The following SSPN variants were observed in gnomAD, a reference collection of about 807,000 sequenced individuals.
SSPN encodes K-ras oncogene-associated protein.
A neutral mutation model predicts 19.1 loss-of-function variants in SSPN; 15 were observed. The observed-to-expected ratio is 0.78, with a 90% CI of 0.52 to 1.21. SSPN has a LOEUF of 1.21. Among genes scored for constraint, SSPN ranks in the 50% most tolerant of loss-of-function variants. The pLI is 0.00. For missense variants in SSPN, 291 were observed against 314.0 expected, an observed-to-expected ratio of 0.93 and a Z score of 0.55; for synonymous variants, 147 against 140.3, an observed-to-expected ratio of 1.05 and a Z score of -0.34.
In SSPN at chr12:26,152,828, A is replaced by G. The variant is rs529235427; in HGVS notation, c.-31+30676A>G. ...CTAGAAGAAGACTCAAGCTCTTACCATGCCCAGTAAGGGCCTATCTTATCT... is the reference window on the plus strand; with the variant it reads ...CTAGAAGAAGACTCAAGCTCTTACCGTGCCCAGTAAGGGCCTATCTTATCT... On this transcript the variant is annotated intron_variant, in intron 1 of 2. Coordinates refer to the SSPN transcript ENST00000538142. Among the ~76,000 whole-genome samples the G allele has an allele frequency of 5.9e-5, 9 of 152,344 alleles. 1 individual carries two copies. Among genetic ancestry groups the G allele is most frequent in the African/African-American group, 2.2e-4 (9 of 41,570 alleles).
intron 1 of SSPN, among the ~76,000 whole-genome samples, chr12:26,155,155 A>G (rs1944548360): frequency 6.6e-6 from 1 of 152,240 alleles, no homozygotes; most frequent in Non-Finnish European, 1.5e-5. Context: ...TTTTAAAGTT[A>G]CAACTAGTGT....
rs1944388608 is a variant in SSPN at position 26,130,001 on chromosome 12, G to T, written c.-31+7849G>T. ...AATAGGAGGATTCCCTGGCCCTTCTGCCCCTACGTATCTGCCTGGTCCCTC... is the reference window on the plus strand; with the variant it reads ...AATAGGAGGATTCCCTGGCCCTTCTTCCCCTACGTATCTGCCTGGTCCCTC... On this transcript the variant is annotated intron_variant, in intron 1 of 2. Transcript: ENST00000538142. 2.6e-5 allele frequency among the ~76,000 whole-genome samples: 4 copies of T among 152,134 alleles called. No homozygotes were observed. The South Asian group carries it at 8.3e-4, about 32-fold the overall frequency.
chr12:26,125,163 G>A, intron 1 of SSPN: 1 of 365,314 alleles, frequency 2.7e-6, no homozygotes, highest in South Asian at 2.5e-5. Flanking sequence ...GTCGGGAGAA[G>A]GCGGCGAGAG....
chr12:26,138,185 T>A (rs1336636967), intron 1 of SSPN, among the ~76,000 whole-genome samples: 3 of 152,208 alleles, frequency 2.0e-5, no homozygotes, highest in Non-Finnish European at 1.5e-5. Context: ...AAACACTGAA[T>A]TTTTAAATTT....
At chr12:26,192,875 G>A (rs1288529762), upstream of SSPN, among the ~76,000 whole-genome samples, 1 of 149,770 alleles carries the variant, frequency 6.7e-6, no homozygotes, top group Non-Finnish European at 1.5e-5. Flanking sequence ...CTGAAACTCA[G>A]AAGACAAATG....
At chr12:26,123,975 A>C in intron 1 of SSPN, 2 of 944,272 alleles carry the variant, frequency 2.1e-6, no homozygotes, top group Non-Finnish European at 3.3e-6. Context: ...TTAAGTCAGG[A>C]ACTTATATTT....
intron 1 of SSPN, among the ~76,000 whole-genome samples, chr12:26,154,300 C>A (rs1384622659): frequency 6.6e-6 from 1 of 152,204 alleles, no homozygotes; most frequent in Non-Finnish European, 1.5e-5. Flanking sequence ...TTTTTGAGGA[C>A]AGACCATGTG....
Position 26,232,934 on chromosome 12 carries a change from TAAAAAA to T in SSPN, c.*1874_*1879del, listed in dbSNP as rs34314422. On this transcript the variant is annotated 3_prime_UTR_variant, in exon 3 of 3. Coordinates refer to ENST00000242729, the MANE Select transcript of SSPN (RefSeq NM_005086.5). ...ACCTGTAAAATACCTTGTGCCCTAT[TAAAAAA>T]AAAAAAAAAAAAAAAGCCAGTAACT... 634 of 81,342 alleles carry T rather than the reference TAAAAAA, an allele frequency of 7.8e-3. 6 individuals are homozygous for T. The highest frequency in any genetic ancestry group is 0.01 in the Non-Finnish European group (462 of 46,118). The allele number at this position is 81,342 out of a possible 1,614,324, so 5.0% of individuals were successfully genotyped here. A position where few individuals can be genotyped will look rare whatever the true frequency, so the allele number is the denominator to read the frequency against.
At chr12:26,125,157 GGAGAAGGCGGCGA>G in intron 1 of SSPN, 3 of 369,422 alleles carry the variant, frequency 8.1e-6, no homozygotes, top group African/African-American at 2.1e-5. Flanking sequence ...GGGGGCGTCG[GGAGAAGGCGGCGA>G]GAGAAGGCGA....
rs1945233245 is a variant in SSPN, at chr12:26,231,551, G to A, written c.*475G>A. 1 of 154,364 alleles carries A rather than the reference G, an allele frequency of 6.5e-6. No individual in the cohort carries two copies. 9.6% of individuals were successfully genotyped at this position (154,364 alleles called of 1,614,324 possible). On this transcript the variant is annotated 3_prime_UTR_variant, in exon 3 of 3. Transcript: ENST00000242729. ...GAGACAGGCAGGAGGTGGGGGAAGA[G>A]CTGAATCTCTTTATTTTCCCTGGTA...
In SSPN at chr12:26,230,884, T is replaced by C. The variant is rs1415756164; in HGVS notation, c.540T>C (p.Asp180=). 4.3e-6 allele frequency: 7 copies of C among 1,614,090 alleles called. No homozygotes were observed. Among genetic ancestry groups the C allele is most frequent in the Admixed American group, 1.7e-5 (1 of 60,010 alleles). ...TCAGCAGGACCTTTGTTTACCGGGA[T>C]GTGACGGACTGTACCAGCGTCACTG... ...EPLSRTFVYR[D]VTDCTSVTGT... The change falls in exon 3 of 3, where the codon GAT becomes GAC. Residue 180 remains aspartate (D), a synonymous_variant. Coordinates refer to ENST00000242729, the MANE Select transcript of SSPN (RefSeq NM_005086.5).
At chr12:26,181,138 T>A (rs1192727486) in intron 1 of SSPN, 1 of 152,248 alleles carries the variant, frequency 6.6e-6, no homozygotes, top group Non-Finnish European at 1.5e-5. Flanking sequence ...GGAGATCTAT[T>A]TTCTTTCTCA....
At chr12:26,123,117 G>A (rs376849170) in intron 1 of SSPN, 13 of 1,610,158 alleles carry the variant, frequency 8.1e-6, no homozygotes, top group South Asian at 6.7e-5. Context: ...TTGAAATCCC[G>A]AGTGGAACGC....
rs182380410 is a variant in SSPN at position 26,178,088 on chromosome 12, A to G, written c.-30-46205A>G. On this transcript the variant is annotated intron_variant, in intron 1 of 2. Transcript: ENST00000538142. The stretch of plus-strand genomic sequence containing the variant: ...AGGTCATGTGTTTTGATGCTCACTT[A>G]GTAGGCACTAGAGTGAGAATTCTTC... Among the ~76,000 whole-genome samples, 354 of 152,302 alleles carry G rather than the reference A, an allele frequency of 2.3e-3. 3 individuals are homozygous for G. The Middle Eastern group carries it at 0.058, about 25-fold the overall frequency.
At chr12:26,138,592 T>C (rs1835158777) in intron 1 of SSPN, among the ~76,000 whole-genome samples, 1 of 152,196 alleles carries the variant, frequency 6.6e-6, no homozygotes, top group African/African-American at 2.4e-5. Context: ...TTAAATTTTA[T>C]TTAATTTTAG....
intron 1 of SSPN, among the ~76,000 whole-genome samples, chr12:26,129,644 T>C (rs1944386637): frequency 6.6e-6 from 1 of 152,198 alleles, no homozygotes; most frequent in Non-Finnish European, 1.5e-5. Context: ...AGCACACGTG[T>C]CCCCGTTTAA....
In SSPN at chr12:26,231,379, A is replaced by T; in HGVS notation, c.*303A>T. 7.9e-6 allele frequency: 2 copies of T among 253,714 alleles called. No homozygotes were observed. Among genetic ancestry groups the T allele is most frequent in the Non-Finnish European group, 1.5e-5 (2 of 134,582 alleles). The allele number at this position is 253,714 out of a possible 1,614,324, so 15.7% of individuals were successfully genotyped here. A position where few individuals can be genotyped will look rare whatever the true frequency, so the allele number is the denominator to read the frequency against. On this transcript the variant is annotated 3_prime_UTR_variant, in exon 3 of 3. Transcript: ENST00000242729. ...TACAGTCTGGAGTTAATTCCTGTTA[A>T]CTCATTTTATCCATTCCTTACATAA...
intron 1 of SSPN, among the ~76,000 whole-genome samples, chr12:26,142,929 G>A (rs887981047): frequency 6.6e-6 from 1 of 152,168 alleles, no homozygotes; most frequent in Non-Finnish European, 1.5e-5. Flanking sequence ...CCTCTCAAAT[G>A]GATTCAGTTG....
chr12:26,209,300 A>G (rs549447326), intron 1 of SSPN, among the ~76,000 whole-genome samples: 2 of 152,088 alleles, frequency 1.3e-5, no homozygotes, highest in Non-Finnish European at 1.5e-5. Context: ...TTTGTGACCA[A>G]TCTTCATAAA....
Sources: allele counts gnomAD v4.1 joint callset (sites outside exome capture counted in the v4.1 genomes callset), GRCh38; gene constraint gnomAD v4.1.1; transcripts MANE v1.5; gene names NCBI Gene and HGNC (gene_info 2026-07-23, HGNC 2026-07-21).